Variants in LCLAT1 observed in about 807,000 individuals in gnomAD.
LCLAT1 encodes lysocardiolipin acyltransferase 1.
In LCLAT1, 11 loss-of-function variants were observed where a neutral mutation model predicts 30.7. The ratio of observed to expected loss-of-function variants is 0.36; its 90% CI spans 0.23 to 0.59. The LOEUF is 0.59. LCLAT1 is among the 20% of genes least tolerant of loss of function. The pLI is 0.77. For missense variants in LCLAT1, 402 were observed against 458.6 expected (o/e 0.88, Z 1.13); for synonymous variants, 155 against 151.3 (o/e 1.02, Z -0.18).
chr2:30,469,886 C>T (rs1220097125), intron 1 of LCLAT1, among the ~76,000 whole-genome samples: 1 of 152,116 alleles, frequency 6.6e-6, no homozygotes, highest in East Asian at 1.9e-4. Flanking sequence ...AGCCACTGCA[C>T]CTGGCCCTAA....
chr2:30,480,439 C>T (rs1054593304), intron 1 of LCLAT1, among the ~76,000 whole-genome samples: 2 of 152,198 alleles, frequency 1.3e-5, no homozygotes, highest in African/African-American at 4.8e-5. Context: ...AAGTAATCTA[C>T]CTGCCTTGGC....
intron 1 of LCLAT1, among the ~76,000 whole-genome samples, chr2:30,478,687 ATAGGTAGGTAGG>A (rs371152962): frequency 0.026 from 3,432 of 132,632 alleles, 116 homozygotes; most frequent in African/African-American, 0.084. Context: ...AAATAGATAG[ATAGGTAGGTAGG>A]TAGGTAGGTA....
chr2:30,476,256 T>C (rs1683033609), intron 1 of LCLAT1: 1 of 385,530 alleles, frequency 2.6e-6, no homozygotes. Flanking sequence ...TCCAATTTAT[T>C]TGTGTAGATA....
At chr2:30,598,982 CTTTTCTTTTTTG>C (rs1667055797) in intron 5 of LCLAT1, among the ~76,000 whole-genome samples, 1 of 136,448 alleles carries the variant, frequency 7.3e-6, no homozygotes, top group Non-Finnish European at 1.6e-5. Context: ...TTTTTTTTTT[CTTTTCTTTTTTG>C]TTTGAGATAG....
intron 3 of LCLAT1, among the ~76,000 whole-genome samples, chr2:30,551,921 A>G (rs1400106083): frequency 6.6e-6 from 1 of 152,200 alleles, no homozygotes; most frequent in African/African-American, 2.4e-5. Flanking sequence ...CATTGGGCCC[A>G]CTAGAATAAT....
intron 1 of LCLAT1, among the ~76,000 whole-genome samples, chr2:30,471,664 C>T (rs1682801842): frequency 6.6e-6 from 1 of 152,064 alleles, no homozygotes; most frequent in Admixed American, 6.6e-5. Flanking sequence ...AATGGAATTA[C>T]TAATTTTCCT....
intron 3 of LCLAT1, among the ~76,000 whole-genome samples, chr2:30,554,925 G>A (rs538401426): frequency 7.9e-5 from 12 of 151,160 alleles, no homozygotes; most frequent in Non-Finnish European, 1.3e-4. Context: ...TATGAATGAA[G>A]AGAAAAAAAT....
intron 5 of LCLAT1, among the ~76,000 whole-genome samples, chr2:30,629,988 C>T (rs985189010): frequency 5.9e-5 from 9 of 151,758 alleles, no homozygotes; most frequent in Non-Finnish European, 1.2e-4. Context: ...GCTAGAGAGG[C>T]CATAACAAGA....
intron 5 of LCLAT1, among the ~76,000 whole-genome samples, chr2:30,638,577 G>C (rs1251446895): frequency 1.3e-5 from 2 of 152,224 alleles, no homozygotes; most frequent in African/African-American, 4.8e-5. Flanking sequence ...GTAACATTCA[G>C]AGACTCCGCA....
At chr2:30,558,403 C>T (rs564679371) in intron 3 of LCLAT1, among the ~76,000 whole-genome samples, 5 of 152,098 alleles carry the variant, frequency 3.3e-5, no homozygotes, top group Middle Eastern at 6.8e-3. Context: ...AGTTTGAGAC[C>T]AGCCTGGCCA....
chr2:30,451,367 A>C (rs988370012), intron 1 of LCLAT1, among the ~76,000 whole-genome samples: 1 of 152,090 alleles, frequency 6.6e-6, no homozygotes, highest in African/African-American at 2.4e-5. Context: ...GGCTTTGTCT[A>C]CTCCTACCCG....
intron 1 of LCLAT1, among the ~76,000 whole-genome samples, chr2:30,519,783 C>T (rs1006440821): frequency 2.6e-5 from 4 of 152,182 alleles, no homozygotes; most frequent in Non-Finnish European, 5.9e-5. Context: ...GGTCCCCTCC[C>T]GTTGTATGGG....
chr2:30,512,668 A>G (rs1684995894), intron 1 of LCLAT1, among the ~76,000 whole-genome samples: 2 of 152,208 alleles, frequency 1.3e-5, no homozygotes, highest in African/African-American at 4.8e-5. Context: ...ATTTGGCTTA[A>G]GGCAAAAATG....
chr2:30,480,275 G>C (rs934351680), intron 1 of LCLAT1, among the ~76,000 whole-genome samples: 4 of 151,990 alleles, frequency 2.6e-5, no homozygotes, highest in Admixed American at 2.0e-4. Flanking sequence ...GCAGTGGCTC[G>C]ATCTTGGATA....
intron 3 of LCLAT1, among the ~76,000 whole-genome samples, chr2:30,554,318 T>TA (rs1484545321): frequency 6.6e-6 from 1 of 152,222 alleles, no homozygotes; most frequent in African/African-American, 2.4e-5. Flanking sequence ...AGGAAAATGT[T>TA]AAACAGTATC....
intron 1 of LCLAT1, among the ~76,000 whole-genome samples, chr2:30,478,822 G>A (rs1269223028): frequency 6.6e-6 from 1 of 152,148 alleles, no homozygotes; most frequent in Non-Finnish European, 1.5e-5. Context: ...CTTAAGACTT[G>A]GTTTTGTATT....
chr2:30,627,210 C>T (rs1223634979), intron 5 of LCLAT1, among the ~76,000 whole-genome samples: 2 of 152,166 alleles, frequency 1.3e-5, no homozygotes, highest in East Asian at 3.8e-4. Context: ...AGGCCAGCTA[C>T]AACAGATAAT....
intron 5 of LCLAT1, among the ~76,000 whole-genome samples, chr2:30,571,127 C>A (rs1201110236): frequency 6.6e-6 from 1 of 152,146 alleles, no homozygotes; most frequent in Non-Finnish European, 1.5e-5. Context: ...GTTTATATTT[C>A]AATCCATACT....
intron 1 of LCLAT1, among the ~76,000 whole-genome samples, chr2:30,454,105 C>T (rs1681702160): frequency 6.6e-6 from 1 of 152,144 alleles, no homozygotes; most frequent in Non-Finnish European, 1.5e-5. Context: ...AATGAGTATG[C>T]CTTGTATTAC....
Sources: allele counts gnomAD v4.1 joint callset (sites outside exome capture counted in the v4.1 genomes callset), GRCh38; gene constraint gnomAD v4.1.1; transcripts MANE v1.5; gene names NCBI Gene and HGNC (gene_info 2026-07-23, HGNC 2026-07-21).